The following TTC27 variants were observed in gnomAD, a reference collection of about 807,000 sequenced individuals.
TTC27 encodes the protein tetratricopeptide repeat protein 27.
A neutral mutation model predicts 115.9 loss-of-function variants in TTC27; 79 were observed. The ratio of observed to expected loss-of-function variants is 0.68; its 90% confidence interval spans 0.57 to 0.82. The LOEUF (loss-of-function observed/expected upper bound fraction) is 0.82. TTC27 is among the 40% of genes least tolerant of loss of function. TTC27 has a pLI of 0.00. For synonymous variants in TTC27, 401 were observed against 356.0 expected (o/e 1.13, Z -1.42); for missense variants, 1,054 against 993.1 (o/e 1.06, Z -0.82).
Position 32,650,216 on chromosome 2 carries a change from A to G in TTC27, c.623A>G (p.Glu208Gly), listed in dbSNP as rs752225737. The change falls in exon 5 of 20, where the codon GAA (glutamate) becomes GGA (glycine). Residue 208 changes from glutamate to glycine, a missense_variant. Coordinates refer to ENST00000317907, the MANE Select transcript of TTC27 (RefSeq NM_017735.5). ...ERSPLLFTLA[E>G]NCIDQVMKLQ... is the part of the protein sequence containing the mutation. ...TCACCTCTGCTTTTTACTCTTGCCG[A>G]AAACTGTATTGATCAAGGTATGTAG... The G allele has an allele frequency of 3.7e-6, 6 of 1,613,756 alleles. No individual in the cohort carries two copies. Among genetic ancestry groups the G allele is most frequent in the Middle Eastern group, 1.7e-4 (1 of 6,060 alleles).
chr2:32,789,946 A>C (rs1397790110), intron 16 of TTC27, among the ~76,000 whole-genome samples: 1 of 129,834 alleles, frequency 7.7e-6, no homozygotes, highest in East Asian at 2.3e-4. Context: ...AAAAAAAAAA[A>C]GAGAAGTCTT....
chr2:32,729,457 C>G (rs1030458276), intron 10 of TTC27, among the ~76,000 whole-genome samples: 1 of 152,176 alleles, frequency 6.6e-6, no homozygotes, highest in African/African-American at 2.4e-5. Context: ...ACCTGTGACA[C>G]TGTGGCTCCT....
chr2:32,678,009 C>T (rs1476673667), intron 8 of TTC27, among the ~76,000 whole-genome samples: 1 of 152,108 alleles, frequency 6.6e-6, no homozygotes, highest in Non-Finnish European at 1.5e-5. Flanking sequence ...GTAATCCAAA[C>T]ACATTGGGAA....
chr2:32,658,865 T>C (rs1665430363), intron 5 of TTC27, among the ~76,000 whole-genome samples: 1 of 152,250 alleles, frequency 6.6e-6, no homozygotes, highest in Admixed American at 6.5e-5. Flanking sequence ...ATCTTAGATA[T>C]TTAGTGAAAT....
intron 13 of TTC27, among the ~76,000 whole-genome samples, chr2:32,764,955 G>A (rs936320191): frequency 4.6e-5 from 7 of 152,160 alleles, no homozygotes; most frequent in African/African-American, 1.7e-4. Context: ...TGCCACACGT[G>A]TAGTGACTGC....
In TTC27 at chr2:32,628,107, C is replaced by T. The variant is rs904565582; in HGVS notation, c.-186C>T. On this transcript the variant is annotated 5_prime_UTR_variant, in exon 1 of 20. Coordinates refer to ENST00000317907, the MANE Select transcript of TTC27 (RefSeq NM_017735.5). ...TGCGTGTTTTTCCCAGGGTGCCCCG[C>T]GCTGCTGTTATGGCCGCCTCCTTGA... 6 of 575,898 alleles carry T rather than the reference C, an allele frequency of 1.0e-5. No homozygotes were observed. Among genetic ancestry groups the T allele is most frequent in the Non-Finnish European group, 1.5e-5 (5 of 328,186 alleles). The allele number at this position is 575,898 out of a possible 1,614,324, so 35.7% of individuals were successfully genotyped here.
intron 16 of TTC27, among the ~76,000 whole-genome samples, chr2:32,800,022 T>C (rs1447678734): frequency 1.3e-5 from 2 of 152,204 alleles, no homozygotes; most frequent in Non-Finnish European, 2.9e-5. Flanking sequence ...GCAGGTTACT[T>C]AACCACTTTG....
At chr2:32,817,403 T>A in intron 18 of TTC27, 54 bp from the exon 19 acceptor site, 5 of 1,456,444 alleles carry the variant, frequency 3.4e-6, no homozygotes, top group Non-Finnish European at 4.8e-6. Flanking sequence ...TTTGTACCTG[T>A]GAATTATTAT....
At chr2:32,698,638 C>G (rs1244569360) in intron 9 of TTC27, among the ~76,000 whole-genome samples, 1 of 151,806 alleles carries the variant, frequency 6.6e-6, no homozygotes, top group Non-Finnish European at 1.5e-5. Context: ...CCCCACCACG[C>G]CTGGCTAATT....
At chr2:32,697,870 G>A (rs1667046138) in intron 9 of TTC27, among the ~76,000 whole-genome samples, 1 of 152,022 alleles carries the variant, frequency 6.6e-6, no homozygotes. Context: ...TCATACCTCA[G>A]CCTCCTGAGT....
intron 14 of TTC27, among the ~76,000 whole-genome samples, chr2:32,778,861 AG>A (rs1422036196): frequency 1.3e-5 from 2 of 152,360 alleles, no homozygotes; most frequent in East Asian, 3.9e-4. Flanking sequence ...TATACCCAGT[AG>A]TAGAGTTGCT....
Position 32,664,355 on chromosome 2 carries a change from T to G in TTC27, c.693T>G (p.Ile231Met), listed in dbSNP as rs929220006. ...ATGATTCAGGTCGATATTTGGCTAT[T>G]CAATTCCATCTGGAATGTGCATATG... ...FVDDSGRYLAIQFHLECAYVF... is the reference protein window; with the variant it reads ...FVDDSGRYLAMQFHLECAYVF... Residue 231 changes from isoleucine (I) to methionine (M), a missense_variant, in exon 6 of 20, where the codon ATT becomes ATG. Transcript: ENST00000317907. 4 of 1,611,860 alleles carry G rather than the reference T, an allele frequency of 2.5e-6. No individual in the cohort carries two copies. Among genetic ancestry groups the G allele is most frequent in the Non-Finnish European group, 2.5e-6 (3 of 1,178,960 alleles).
intron 16 of TTC27, among the ~76,000 whole-genome samples, chr2:32,792,697 GT>G (rs1350911354): frequency 1.3e-5 from 2 of 152,152 alleles, no homozygotes; most frequent in African/African-American, 2.4e-5. Flanking sequence ...CCTCCTGGTA[GT>G]TTTTGTAATG....
chr2:32,709,345 GT>G (rs1202046203), intron 10 of TTC27, among the ~76,000 whole-genome samples: 3 of 152,190 alleles, frequency 2.0e-5, no homozygotes, highest in African/African-American at 7.2e-5. Flanking sequence ...TGTGATTATG[GT>G]TAATATCACT....
chr2:32,777,449 G>T (rs1670033618), intron 13 of TTC27, among the ~76,000 whole-genome samples: 1 of 152,148 alleles, frequency 6.6e-6, no homozygotes, highest in Admixed American at 6.5e-5. Context: ...ATTACTTGTG[G>T]TACCTAACAC....
At chr2:32,716,629 AT>A (rs1431503451) in intron 10 of TTC27, among the ~76,000 whole-genome samples, 5 of 151,768 alleles carry the variant, frequency 3.3e-5, no homozygotes, top group Admixed American at 3.3e-4. Flanking sequence ...TTATTTTTCA[AT>A]TGTTGGGGAT....
intron 5 of TTC27, among the ~76,000 whole-genome samples, chr2:32,654,593 C>T (rs977812369): frequency 4.6e-5 from 7 of 151,732 alleles, no homozygotes; most frequent in African/African-American, 1.2e-4. Flanking sequence ...TGCAGTGATG[C>T]GATCTAGACT....
At chr2:32,742,512 G>T (rs1668679566) in intron 12 of TTC27, among the ~76,000 whole-genome samples, 1 of 152,254 alleles carries the variant, frequency 6.6e-6, no homozygotes, top group Non-Finnish European at 1.5e-5. Context: ...GGCTCCATGA[G>T]AGAGTAAGTA....
chr2:32,664,921 C>T lies in TTC27; in HGVS notation c.805+454C>T, dbSNP rs542827929. Among the ~76,000 whole-genome samples the T allele has an allele frequency of 5.3e-5, 8 of 152,048 alleles. No individual in the cohort carries two copies. In the South Asian group the frequency reaches 1.5e-3, roughly 28 times the overall value. ...GATCTTGGCTCACTGCAACCTTGGC[C>T]TCCTGGGTTCAAGCAATTCTCCTGC... On this transcript the variant is annotated intron_variant, in intron 6 of 19. Coordinates refer to ENST00000317907, the MANE Select transcript of TTC27 (RefSeq NM_017735.5).
Sources: allele counts gnomAD v4.1 joint callset (sites outside exome capture counted in the v4.1 genomes callset), GRCh38; gene constraint gnomAD v4.1.1; transcripts MANE v1.5; gene names NCBI Gene and HGNC (gene_info 2026-07-23, HGNC 2026-07-21).